The following CSTF3 variants were observed in gnomAD, a reference collection of about 807,000 sequenced individuals.
CSTF3 encodes the protein cleavage stimulation factor subunit 3, also known as CF-1 77 kDa subunit.
In CSTF3, 29 loss-of-function variants were observed where a neutral mutation model predicts 105.8. That is an observed-to-expected ratio of 0.27 (90% CI 0.20 to 0.37). CSTF3 has a LOEUF of 0.37. Ranked by LOEUF, CSTF3 falls within the 10% of genes least tolerant of loss-of-function variation. The pLI is 1.00. For missense variants in CSTF3, 357 were observed against 879.3 expected, an observed-to-expected ratio of 0.41 and a Z score of 7.51; for synonymous variants, 252 against 281.9, an observed-to-expected ratio of 0.89 and a Z score of 1.06.
At chr11:33,144,041 T>C (rs1176910699) in intron 1 of CSTF3, among the ~76,000 whole-genome samples, 1 of 152,192 alleles carries the variant, frequency 6.6e-6, no homozygotes, top group Non-Finnish European at 1.5e-5. Context: ...TAGGACATCC[T>C]GACATCTATA....
intron 3 of CSTF3, among the ~76,000 whole-genome samples, chr11:33,117,883 C>A (rs1177850965): frequency 4.0e-5 from 6 of 151,700 alleles, no homozygotes; most frequent in African/African-American, 1.2e-4. Flanking sequence ...GAAGTGAAAT[C>A]CAAAAAATAT....
intron 3 of CSTF3, among the ~76,000 whole-genome samples, chr11:33,132,451 T>A (rs958799343): frequency 6.6e-6 from 1 of 152,086 alleles, no homozygotes; most frequent in Non-Finnish European, 1.5e-5. Flanking sequence ...GGTCTCAAAC[T>A]CGTGGGGCTC....
At chr11:33,087,168 A>G (rs1473798121) in intron 17 of CSTF3, 27 bp from the exon 18 acceptor site, 2 of 1,611,936 alleles carry the variant, frequency 1.2e-6, no homozygotes, top group African/African-American at 2.7e-5. Context: ...GAAGAATCCT[A>G]AACCTGAAAA....
chr11:33,107,687 T>C (rs1855340687), intron 5 of CSTF3, among the ~76,000 whole-genome samples: 1 of 152,258 alleles, frequency 6.6e-6, no homozygotes, highest in South Asian at 2.1e-4. Context: ...TGTTTCAGTA[T>C]AGAAAGGGCT....
Position 33,085,898 on chromosome 11 carries a change from G to A in CSTF3, c.1887C>T (p.Phe629=), listed in dbSNP as rs374097467. The change falls in exon 19 of 21, where the codon TTC becomes TTT. Residue 629 remains phenylalanine, a synonymous_variant. Coordinates refer to ENST00000323959, the MANE Select transcript of CSTF3 (RefSeq NM_001326.3). ...LMKLLPPPIC[F]QGPFVQVDEL... ...CCATGAAAATAAGTGAACAAACCTG[G>A]AAACAGATAGGAGGAGGGAGAAGTT... is the stretch of plus-strand genomic sequence containing the variant. 1.3e-6 allele frequency: 2 copies of A among 1,572,364 alleles called. No individual in the cohort carries two copies. The highest frequency in any genetic ancestry group is 1.4e-5 in the African/African-American group (1 of 73,376).
rs773635405 is a variant in CSTF3 at position 33,105,872 on chromosome 11, C to T, written c.458+11G>A. 5.8e-6 allele frequency: 9 copies of T among 1,556,858 alleles called. No individual in the cohort carries two copies. The highest frequency in any genetic ancestry group is 7.8e-6 in the Non-Finnish European group (9 of 1,149,658). Reference sequence around the variant, plus strand: ...ACTGTAGATGTAAAAAAAAACTATACAAATACTTACACGCCTTTTAGGAAA... The same window carrying T: ...ACTGTAGATGTAAAAAAAAACTATATAAATACTTACACGCCTTTTAGGAAA... On this transcript the variant is annotated intron_variant, in intron 7 of 20. Coordinates refer to ENST00000323959, the MANE Select transcript of CSTF3 (RefSeq NM_001326.3).
At chr11:33,114,775 C>T (rs998752110) in intron 3 of CSTF3, among the ~76,000 whole-genome samples, 3 of 151,894 alleles carry the variant, frequency 2.0e-5, no homozygotes, top group Admixed American at 1.3e-4. Flanking sequence ...TGCTTGAACC[C>T]GGGAGGTGGA....
In CSTF3 at chr11:33,107,887, T is replaced by A; in HGVS notation, c.356+16A>T. ...CTGGAGATGACTTGCATTCTTAAGA[T>A]CCTGGTTTCACTTACTTGTAACTTG... On this transcript the variant is annotated intron_variant, in intron 5 of 20. Coordinates refer to ENST00000323959, the MANE Select transcript of CSTF3 (RefSeq NM_001326.3). 1 of 1,493,544 alleles carries A rather than the reference T, an allele frequency of 6.7e-7. No individual in the cohort carries two copies. The highest frequency in any genetic ancestry group is 2.3e-5 in the East Asian group (1 of 43,540). The allele number at this position is 1,493,544 out of a possible 1,614,324, so 92.5% of individuals were successfully genotyped here.
chr11:33,145,640 C>G (rs895232560), intron 1 of CSTF3, among the ~76,000 whole-genome samples: 3 of 151,920 alleles, frequency 2.0e-5, no homozygotes, highest in Non-Finnish European at 2.9e-5. Context: ...GGTGAAACCC[C>G]ATCTCCACTA....
At position 33,106,175 on chromosome 11, in the gene CSTF3, C is replaced by T. The variant is rs892821652; in HGVS notation, c.357-111G>A. The T allele has an allele frequency of 1.7e-5, 13 of 743,886 alleles. No homozygotes were observed. In the Admixed American group the frequency reaches 2.7e-4, roughly 15 times the overall value. 46.1% of individuals were successfully genotyped at this position (743,886 alleles called of 1,614,324 possible). On this transcript the variant is annotated intron_variant, in intron 5 of 20. Coordinates refer to ENST00000323959, the MANE Select transcript of CSTF3 (RefSeq NM_001326.3). The stretch of plus-strand genomic sequence containing the variant: ...CTGTAATCCCACTGCTTTGGGAGGC[C>T]GAGGCAGAAGGATCACTTGAGACCA...
rs1363702632 is a variant in CSTF3 at position 33,099,051 on chromosome 11, A to G, written c.1036T>C (p.Tyr346His). Residue 346 changes from tyrosine (Y) to histidine (H), a missense_variant, in exon 12 of 21, where the codon TAT becomes CAT. Tyr to His is a moderately conservative substitution (Grantham distance 83). Transcript: ENST00000323959. The surrounding 1 kb of genome is among the most constrained non-coding windows in gnomAD (Gnocchi z 4.1). ...LKKNMLLYFA[Y>H]ADYEESRMKY... is the part of the protein sequence containing the mutation. Reference sequence around the variant, plus strand: ...TTACTTACCTCTTCATAATCTGCATATGCAAAATAAAGAAGCATATTCTTC... The same window carrying G: ...TTACTTACCTCTTCATAATCTGCATGTGCAAAATAAAGAAGCATATTCTTC... 1.3e-6 allele frequency: 2 copies of G among 1,572,990 alleles called. No homozygotes were observed. Among genetic ancestry groups the G allele is most frequent in the East Asian group, 2.3e-5 (1 of 43,556 alleles).
chr11:33,137,382 A>T (rs1209989398), intron 3 of CSTF3, among the ~76,000 whole-genome samples: 1 of 151,864 alleles, frequency 6.6e-6, no homozygotes, highest in Non-Finnish European at 1.5e-5. Context: ...TGAGAAAAAA[A>T]GTCCCAAGGG....
intron 3 of CSTF3, among the ~76,000 whole-genome samples, chr11:33,131,991 A>G (rs1345299510): frequency 6.6e-6 from 1 of 152,212 alleles, no homozygotes; most frequent in Non-Finnish European, 1.5e-5. Context: ...GAGCCTATGT[A>G]GAGGTGCACA....
chr11:33,120,072 A>C (rs1855471651), intron 3 of CSTF3, among the ~76,000 whole-genome samples: 2 of 151,824 alleles, frequency 1.3e-5, no homozygotes, highest in South Asian at 4.1e-4. Flanking sequence ...CTAAAAGGTC[A>C]ATCTAAAGAA....
intron 3 of CSTF3, among the ~76,000 whole-genome samples, chr11:33,109,101 A>T (rs1216760011): frequency 6.6e-6 from 1 of 152,230 alleles, no homozygotes; most frequent in Non-Finnish European, 1.5e-5. Flanking sequence ...TTCTAGGAGA[A>T]TCTGAGCTAT....
chr11:33,133,805 AAAAC>A (rs1346531652), intron 3 of CSTF3, among the ~76,000 whole-genome samples: 2 of 152,232 alleles, frequency 1.3e-5, no homozygotes, highest in African/African-American at 4.8e-5. Flanking sequence ...GCAAGACTCA[AAAAC>A]AAAACAAATT....
chr11:33,089,750 A>G (rs1161842562), intron 17 of CSTF3, among the ~76,000 whole-genome samples: 6 of 152,238 alleles, frequency 3.9e-5, no homozygotes, highest in Non-Finnish European at 8.8e-5. Flanking sequence ...CAGTGAGGAA[A>G]AGGAGAATGA....
At chr11:33,154,463 A>G (rs1337816179) in intron 1 of CSTF3, among the ~76,000 whole-genome samples, 3 of 151,208 alleles carry the variant, frequency 2.0e-5, no homozygotes, top group Admixed American at 6.6e-5. Context: ...AATTAAAAGT[A>G]GACCGGAGTA....
intron 15 of CSTF3, among the ~76,000 whole-genome samples, chr11:33,096,025 G>A (rs1855220039): frequency 1.3e-5 from 2 of 151,936 alleles, no homozygotes; most frequent in Admixed American, 1.3e-4. Context: ...CATCAGAGAT[G>A]AATATAAACA....
Sources: gnomAD v4.1 joint callset for allele counts (sites outside exome capture counted in the v4.1 genomes callset) on GRCh38, gnomAD v4.1.1 for gene constraint, Gnocchi (gnomAD v3.1) non-coding constraint, MANE v1.5 for transcripts, NCBI Gene and HGNC (gene_info 2026-07-23, HGNC 2026-07-21) for gene names.